Variants in DGKH observed in about 807,000 individuals in gnomAD.
The protein encoded by DGKH is DAG kinase eta.
A neutral mutation model predicts 159.3 loss-of-function variants in DGKH; 90 were observed. The observed-to-expected ratio is 0.57, with a 90% CI of 0.48 to 0.67. DGKH has a LOEUF of 0.67. Ranked by LOEUF, DGKH falls within the 30% of genes least tolerant of loss-of-function variation. The pLI is 0.00. For missense variants in DGKH, 1,181 were observed against 1,506.1 expected, an observed-to-expected ratio of 0.78 and a Z score of 3.57; for synonymous variants, 536 against 553.8, an observed-to-expected ratio of 0.97 and a Z score of 0.45.
In DGKH at chr13:42,219,709, A is replaced by G. The variant is rs753175833; in HGVS notation, c.3357A>G (p.Lys1119=). The part of the protein sequence containing the change: ...EDEEPPMDCT[K]RNNRSTVFRI... The stretch of plus-strand genomic sequence containing the variant: ...AGGAACCTCCTATGGATTGCACCAA[A>G]AGGAACAACAGAAGCACCGTATTTC... Residue 1119 remains lysine, a synonymous_variant, in exon 28 of 30, where the codon AAA becomes AAG. Coordinates refer to ENST00000337343, the MANE Select transcript of DGKH (RefSeq NM_178009.5). The G allele has an allele frequency of 1.5e-5, 24 of 1,613,684 alleles. No individual in the cohort carries two copies. The highest frequency in any genetic ancestry group is 3.3e-5 in the Admixed American group (2 of 59,968).
intron 15 of DGKH, among the ~76,000 whole-genome samples, chr13:42,189,925 C>A (rs1957022118): frequency 6.6e-6 from 1 of 152,148 alleles, no homozygotes; most frequent in African/African-American, 2.4e-5. Context: ...ACCTCAGCCT[C>A]CCGAAGTGCT....
intron 3 of DGKH, among the ~76,000 whole-genome samples, chr13:42,135,441 G>T (rs1955381196): frequency 7.5e-6 from 1 of 132,986 alleles, no homozygotes; most frequent in African/African-American, 2.8e-5. Context: ...AGTAAGCCAA[G>T]ATCGCACCAC....
chr13:42,178,967 G>GA (rs1470844528), intron 13 of DGKH, among the ~76,000 whole-genome samples: 4 of 152,056 alleles, frequency 2.6e-5, no homozygotes, highest in South Asian at 2.1e-4. Context: ...AAGTGGTAAA[G>GA]AAAAAATATA....
chr13:42,116,625 A>G (rs1421099406), intron 1 of DGKH, among the ~76,000 whole-genome samples: 3 of 152,232 alleles, frequency 2.0e-5, no homozygotes, highest in Admixed American at 6.5e-5. Context: ...TCTTAGCTTT[A>G]CAAAAGGCTC....
chr13:42,061,988 G>GGTGTGTGT (rs60863220), intron 1 of DGKH, among the ~76,000 whole-genome samples: 1,934 of 149,770 alleles, frequency 0.013, 21 homozygotes, highest in Admixed American at 0.026. Flanking sequence ...TGTGTGTGTG[G>GGTGTGTGT]GTGTGTGTGT....
chr13:42,256,460 A>G (rs1279668491), exon 31 of DGKH: 7 of 1,492,670 alleles, frequency 4.7e-6, no homozygotes, highest in Non-Finnish European at 6.5e-6. Context: ...GGAAACTGTT[A>G]TTGAACTTGG....
intron 5 of DGKH, among the ~76,000 whole-genome samples, chr13:42,159,060 A>G (rs1053016912): frequency 2.0e-5 from 3 of 152,088 alleles, no homozygotes; most frequent in Admixed American, 6.6e-5. Flanking sequence ...ATAGCTTTAT[A>G]AAAGTGCTTC....
intron 17 of DGKH, among the ~76,000 whole-genome samples, chr13:42,197,986 C>A (rs775166218): frequency 1.3e-5 from 2 of 152,106 alleles, no homozygotes; most frequent in Non-Finnish European, 2.9e-5. Context: ...ACATTTAATA[C>A]TTTACTGCTT....
At chr13:42,186,985 T>A in intron 13 of DGKH, 64 bp from the exon 14 acceptor site, 1 of 1,376,918 alleles carries the variant, frequency 7.3e-7, no homozygotes, top group Non-Finnish European at 1.0e-6. Context: ...TTTAAATATA[T>A]TCATAAATCA....
chr13:42,049,316 G>A (rs1243235825), intron 1 of DGKH, among the ~76,000 whole-genome samples: 1 of 152,058 alleles, frequency 6.6e-6, no homozygotes, highest in Non-Finnish European at 1.5e-5. Context: ...GGGAACCCGC[G>A]GCTCGGCGGG....
chr13:42,142,425 C>G (rs895267578), intron 3 of DGKH, among the ~76,000 whole-genome samples: 2 of 150,550 alleles, frequency 1.3e-5, no homozygotes, highest in African/African-American at 4.9e-5. Flanking sequence ...TTTTCCAATT[C>G]TGTGAAGAAA....
chr13:42,229,246 G>A lies in DGKH; in HGVS notation c.*58G>A, dbSNP rs1958228951. The stretch of plus-strand genomic sequence containing the variant: ...ATTGCCACTTAATACAAAGTCCTTG[G>A]AAGCAAGTGGCTGTTCTTGTAGTTT... On this transcript the variant is annotated 3_prime_UTR_variant, in exon 30 of 30. Transcript: ENST00000337343. 10 of 1,470,116 alleles carry A rather than the reference G, an allele frequency of 6.8e-6. No individual in the cohort carries two copies. The highest frequency in any genetic ancestry group is 4.0e-5 in the Admixed American group (2 of 50,342). The allele number at this position is 1,470,116 out of a possible 1,614,324, so 91.1% of individuals were successfully genotyped here. A position where few individuals can be genotyped will look rare whatever the true frequency, so the allele number is the denominator to read the frequency against.
rs115262968 is a variant in DGKH, at chr13:42,112,313, G to C, written c.193-15150G>C. Among the ~76,000 whole-genome samples the C allele has an allele frequency of 8.4e-3, 863 of 102,344 alleles. 8 individuals carry two copies. The highest frequency in any genetic ancestry group is 0.035 in the African/African-American group (822 of 23,278). 67.1% of individuals were successfully genotyped at this position (102,344 alleles called of 152,430 possible). A position where few individuals can be genotyped will look rare whatever the true frequency, so the allele number is the denominator to read the frequency against. On this transcript the variant is annotated intron_variant, in intron 1 of 29. Coordinates refer to ENST00000337343, the MANE Select transcript of DGKH (RefSeq NM_178009.5). ...TTTTTTTTTTTTTTGACTTAGTCTC[G>C]TTCTGTTGCCCAGGCTGGAGTGCAG...
chr13:42,256,149 T>C (rs989242494), intron 30 of DGKH: 5 of 1,181,850 alleles, frequency 4.2e-6, no homozygotes, highest in Non-Finnish European at 6.4e-6. Flanking sequence ...ATGACCATGG[T>C]TGTAGCCCAA....
intron 30 of DGKH, among the ~76,000 whole-genome samples, chr13:42,255,597 G>A (rs529622148): frequency 2.0e-5 from 3 of 152,068 alleles, no homozygotes; most frequent in Non-Finnish European, 4.4e-5. Flanking sequence ...TAAGAAAGTT[G>A]GTGGTTAAAA....
chr13:42,069,593 C>T, intron 1 of DGKH: 4 of 1,509,818 alleles, frequency 2.6e-6, no homozygotes, highest in South Asian at 1.2e-5. Context: ...TGGGCTTTAA[C>T]CAATCCATTC....
In DGKH at chr13:42,221,359, G is replaced by T. The variant is rs531020216; in HGVS notation, c.3538G>T (p.Ala1180Ser). 6.2e-7 allele frequency: 1 copy of T among 1,613,762 alleles called. No homozygotes were observed. The highest frequency in any genetic ancestry group is 2.2e-5 in the East Asian group (1 of 44,884). ...CTTCATCCGTCATGACATCAGAGGG[G>T]CTGAACTTTTGCATCTGGAAAGGCG... Reference protein sequence around the residue: ...DIFIRHDIRGAELLHLERRDL... With the variant: ...DIFIRHDIRGSELLHLERRDL... Residue 1180 changes from alanine to serine, a missense_variant, in exon 29 of 30, where the codon GCT becomes TCT. By Grantham distance (99) the Ala-to-Ser change is moderately conservative. This residue lies in a region of DGKH where 84 missense variants were observed against 77.9 expected (regional missense o/e 1.08). Transcript: ENST00000337343.
chr13:42,110,311 A>G (rs1450489149), intron 1 of DGKH, among the ~76,000 whole-genome samples: 2 of 152,174 alleles, frequency 1.3e-5, no homozygotes, highest in Non-Finnish European at 2.9e-5. Flanking sequence ...ATTCCAGGAT[A>G]GGGGACATTG....
chr13:42,116,342 A>G (rs560659902), intron 1 of DGKH, among the ~76,000 whole-genome samples: 1 of 152,356 alleles, frequency 6.6e-6, no homozygotes, highest in South Asian at 2.1e-4. Flanking sequence ...AAGAAGTGAC[A>G]CAAATAAAAT....
Sources: gnomAD v4.1 joint callset for allele counts (sites outside exome capture counted in the v4.1 genomes callset) on GRCh38, gnomAD v4.1.1 for gene constraint, gnomAD v4.1.1 regional missense constraint, MANE v1.5 for transcripts, NCBI Gene and HGNC (gene_info 2026-07-23, HGNC 2026-07-21) for gene names.